SEMA5A: variants seen among roughly 807,000 people sequenced by gnomAD.
SEMA5A encodes the protein semaphorin 5A.
SEMA5A carries 55 observed loss-of-function variants against 135.5 expected under a neutral mutation model. The observed-to-expected ratio is 0.41, with a 90% CI of 0.33 to 0.51. The LOEUF (loss-of-function observed/expected upper bound fraction) is 0.51, where lower values mean the gene tolerates loss of function less well. Ranked by LOEUF, SEMA5A falls within the 20% of genes least tolerant of loss-of-function variation. The pLI, the probability that SEMA5A is intolerant of heterozygous loss-of-function variation, is 0.37. For synonymous variants in SEMA5A, 580 were observed against 546.5 expected (o/e 1.06, Z -0.85); for missense variants, 1,290 against 1,419.9 (o/e 0.91, Z 1.47).
chr5:9,217,008 T>C (rs1028907443), intron 8 of SEMA5A, among the ~76,000 whole-genome samples: 4 of 152,224 alleles, frequency 2.6e-5, no homozygotes, highest in Non-Finnish European at 4.4e-5. Context: ...ATGCATGGAT[T>C]TGATCCTATC....
intron 15 of SEMA5A, 142 bp from the exon 16 acceptor site, chr5:9,108,429 C>G: frequency 1.1e-6 from 1 of 896,232 alleles, no homozygotes; most frequent in Non-Finnish European, 1.7e-6. Context: ...TGAGCAGTTG[C>G]ACCATACAGA....
chr5:9,291,943 T>C (rs1447302497), intron 5 of SEMA5A, among the ~76,000 whole-genome samples: 1 of 152,086 alleles, frequency 6.6e-6, no homozygotes, highest in African/African-American at 2.4e-5. Context: ...TAGTCAAGAT[T>C]CTCTCCCTGC....
At chr5:9,464,374 G>A (rs768897032) in intron 1 of SEMA5A, among the ~76,000 whole-genome samples, 8 of 152,138 alleles carry the variant, frequency 5.3e-5, no homozygotes, top group East Asian at 1.9e-4. Flanking sequence ...ACATACACAC[G>A]TTTCCATCGG....
At chr5:9,323,694 C>A (rs1018223259) in intron 4 of SEMA5A, among the ~76,000 whole-genome samples, 15 of 123,320 alleles carry the variant, frequency 1.2e-4, no homozygotes, top group Non-Finnish European at 6.3e-5. Flanking sequence ...TGGAGTCTTG[C>A]TTCTTCGCCC....
intron 1 of SEMA5A, among the ~76,000 whole-genome samples, chr5:9,511,151 T>G (rs537130512): frequency 1.1e-4 from 17 of 152,254 alleles, no homozygotes; most frequent in Non-Finnish European, 1.6e-4. Context: ...TGAATCATTA[T>G]AATATATTCT....
chr5:9,424,970 G>A lies in SEMA5A; in HGVS notation c.-78+12786C>T, dbSNP rs559148534. Among the ~76,000 whole-genome samples the A allele has an allele frequency of 5.3e-5, 8 of 152,194 alleles. No homozygotes were observed. The South Asian group carries it at 8.3e-4, about 16-fold the overall frequency. On this transcript the variant is annotated intron_variant, in intron 2 of 22. Coordinates refer to ENST00000382496, the MANE Select transcript of SEMA5A (RefSeq NM_003966.3). ...CAGTGGTGACCTTGATAATATAACC[G>A]ACAATTTGGAAACGTAAATAACTCA...
intron 8 of SEMA5A, among the ~76,000 whole-genome samples, chr5:9,215,281 G>C (rs756680175): frequency 6.6e-6 from 1 of 152,194 alleles, no homozygotes; most frequent in Non-Finnish European, 1.5e-5. Context: ...AAAGTAAGGC[G>C]TTGTGACTTC....
chr5:9,347,082 G>A (rs1489085200), intron 3 of SEMA5A, among the ~76,000 whole-genome samples: 1 of 152,002 alleles, frequency 6.6e-6, no homozygotes, highest in Non-Finnish European at 1.5e-5. Context: ...TAACCAATTA[G>A]AGAAATTAAA....
At chr5:9,194,265 T>C (rs1745271581) in intron 10 of SEMA5A, among the ~76,000 whole-genome samples, 1 of 152,206 alleles carries the variant, frequency 6.6e-6, no homozygotes, top group Non-Finnish European at 1.5e-5. Context: ...AATGATACTT[T>C]TTGTTGCTTT....
chr5:9,080,644 G>A (rs921431235), intron 16 of SEMA5A, among the ~76,000 whole-genome samples: 4 of 152,052 alleles, frequency 2.6e-5, no homozygotes, highest in South Asian at 2.1e-4. Flanking sequence ...AGACTCAGGG[G>A]TAACGATGTA....
At chr5:9,413,089 C>A (rs1444709089) in intron 2 of SEMA5A, among the ~76,000 whole-genome samples, 1 of 152,064 alleles carries the variant, frequency 6.6e-6, no homozygotes, top group Non-Finnish European at 1.5e-5. Context: ...GGTACAAAGT[C>A]AGGTGGCCAG....
At position 9,092,350 on chromosome 5, in the gene SEMA5A, C is replaced by T. The variant is rs577424336; in HGVS notation, c.2073+15790G>A. 5.9e-5 allele frequency among the ~76,000 whole-genome samples: 9 copies of T among 152,308 alleles called. 2 individuals carry two copies. The highest frequency in any genetic ancestry group is 4.6e-4 in the Admixed American group (7 of 15,304). On this transcript the variant is annotated intron_variant, in intron 16 of 22. Transcript: ENST00000382496. Reference sequence around the variant, plus strand: ...GAGGAAGCTCAAATATTGGAATTCGCACCATTTTAAAGTATGAGATTCAGA... The same window carrying T: ...GAGGAAGCTCAAATATTGGAATTCGTACCATTTTAAAGTATGAGATTCAGA...
chr5:9,104,792 G>A (rs1359847314), intron 16 of SEMA5A, among the ~76,000 whole-genome samples: 2 of 152,188 alleles, frequency 1.3e-5, no homozygotes, highest in Non-Finnish European at 2.9e-5. Context: ...GACCTGGAGA[G>A]CAGCACCAAG....
intron 5 of SEMA5A, among the ~76,000 whole-genome samples, chr5:9,292,259 C>A (rs1751122940): frequency 6.6e-6 from 1 of 152,146 alleles, no homozygotes; most frequent in Non-Finnish European, 1.5e-5. Flanking sequence ...ACTTAAATTG[C>A]ATCAAATAAT....
chr5:9,099,440 C>A lies in SEMA5A; in HGVS notation c.2073+8700G>T, dbSNP rs936161097. 2.6e-5 allele frequency among the ~76,000 whole-genome samples: 4 copies of A among 152,064 alleles called. No homozygotes were observed. The East Asian group carries it at 7.7e-4, about 29-fold the overall frequency. ...AATATCCAGTTTCAGCAAGGGAGAT[C>A]AATTATTCCCTTTACGGAAGAATAT... On this transcript the variant is annotated intron_variant, in intron 16 of 22. Transcript: ENST00000382496.
chr5:9,283,073 G>A (rs1030222210), intron 5 of SEMA5A, among the ~76,000 whole-genome samples: 2 of 152,188 alleles, frequency 1.3e-5, no homozygotes, highest in Non-Finnish European at 2.9e-5. Flanking sequence ...AATGTGCATT[G>A]TTTTAAGCCA....
intron 2 of SEMA5A, among the ~76,000 whole-genome samples, chr5:9,391,684 C>T (rs1756167687): frequency 6.6e-6 from 1 of 152,208 alleles, no homozygotes; most frequent in Admixed American, 6.5e-5. Flanking sequence ...CCACCTCAAG[C>T]ACCTTCCTCT....
intron 2 of SEMA5A, among the ~76,000 whole-genome samples, chr5:9,432,369 G>A (rs1031615529): frequency 8.5e-5 from 13 of 152,160 alleles, no homozygotes; most frequent in Non-Finnish European, 2.9e-5. Flanking sequence ...TATACATAGA[G>A]ATGCCCTGAA....
rs1049785070 is a variant in SEMA5A, at chr5:9,040,021, G to T, written c.*2876C>A. Reference sequence around the variant, plus strand: ...CAAGCCAGCTTCCTCATGAAAACCAGCCTATCTCCAACTGTATTCAGAAAT... The same window carrying T: ...CAAGCCAGCTTCCTCATGAAAACCATCCTATCTCCAACTGTATTCAGAAAT... On this transcript the variant is annotated 3_prime_UTR_variant, in exon 23 of 23. Coordinates refer to ENST00000382496, the MANE Select transcript of SEMA5A (RefSeq NM_003966.3). 6.6e-6 allele frequency: 1 copy of T among 152,136 alleles called. No homozygotes were observed. The highest frequency in any genetic ancestry group is 2.4e-5 in the African/African-American group (1 of 41,422). 9.4% of individuals were successfully genotyped at this position (152,136 alleles called of 1,614,324 possible).
Sources: gnomAD v4.1 joint callset for allele counts (sites outside exome capture counted in the v4.1 genomes callset) on GRCh38, gnomAD v4.1.1 for gene constraint, MANE v1.5 for transcripts, NCBI Gene and HGNC (gene_info 2026-07-23, HGNC 2026-07-21) for gene names.